The following KDM1B variants were observed in gnomAD, a reference collection of about 807,000 sequenced individuals.
KDM1B encodes lysine demethylase 1B.
In KDM1B, 63 loss-of-function variants were observed where a neutral mutation model predicts 107.4. The observed-to-expected ratio is 0.59, with a 90% confidence interval of 0.48 to 0.72. KDM1B has a LOEUF of 0.72. Among genes scored for constraint, KDM1B ranks in the 30% least tolerant of loss-of-function variants. KDM1B has a pLI of 0.00. For synonymous variants in KDM1B, 363 were observed against 363.9 expected, an observed-to-expected ratio of 1.00 and a Z score of 0.03; for missense variants, 749 against 1,020.8, an observed-to-expected ratio of 0.73 and a Z score of 3.63.
chr6:18,180,796 T>C (rs1455398606), intron 7 of KDM1B, among the ~76,000 whole-genome samples: 1 of 152,170 alleles, frequency 6.6e-6, no homozygotes, highest in Non-Finnish European at 1.5e-5. Context: ...GAACTCCTGA[T>C]CTCAGGTGAT....
In KDM1B at chr6:18,166,298, T is replaced by C; in HGVS notation, c.337T>C (p.Trp113Arg). 6.2e-7 allele frequency: 1 copy of C among 1,608,836 alleles called. No individual in the cohort carries two copies. The highest frequency in any genetic ancestry group is 8.5e-7 in the Non-Finnish European group (1 of 1,175,270). Residue 113 changes from tryptophan (W) to arginine (R), a missense_variant, in exon 6 of 22, where the codon TGG becomes CGG. By Grantham distance (101) the Trp-to-Arg change is moderately radical. Coordinates refer to ENST00000650836, the MANE Select transcript of KDM1B (RefSeq NM_001364614.2). ...HKDGYDKYTT[W>R]KKIWTSNGKT... ...GGATGGATATGACAAATATACTACA[T>C]GGAAAAAAATATGGACTAGCAATGG... is the stretch of plus-strand genomic sequence containing the variant.
rs1789811890 is a variant in KDM1B at position 18,222,222 on chromosome 6, T to C, written c.*230T>C. The C allele has an allele frequency of 4.7e-6, 3 of 634,614 alleles. No individual in the cohort carries two copies. Among genetic ancestry groups the C allele is most frequent in the South Asian group, 4.6e-5 (3 of 65,452 alleles). The allele number at this position is 634,614 out of a possible 1,614,324, so 39.3% of individuals were successfully genotyped here. A position where few individuals can be genotyped will look rare whatever the true frequency, so the allele number is the denominator to read the frequency against. The stretch of plus-strand genomic sequence containing the variant: ...CATTTTCCATAGGTTCAACTACTGC[T>C]GAAAGTCTGGATTTCAGAATAAAGC... On this transcript the variant is annotated 3_prime_UTR_variant, in exon 22 of 22. Coordinates refer to ENST00000650836, the MANE Select transcript of KDM1B (RefSeq NM_001364614.2).
Position 18,201,724 on chromosome 6 carries a change from T to G in KDM1B, c.1531+67T>G. The G allele has an allele frequency of 7.3e-7, 1 of 1,366,254 alleles. No individual in the cohort carries two copies. The highest frequency in any genetic ancestry group is 9.9e-7 in the Non-Finnish European group (1 of 1,005,866). 84.6% of individuals were successfully genotyped at this position (1,366,254 alleles called of 1,614,324 possible). A position where few individuals can be genotyped will look rare whatever the true frequency, so the allele number is the denominator to read the frequency against. ...GTTGTTACCTAAGCTTCATCAGCAG[T>G]GGCATTGTTCATTTGCGAGGTCGGA... is the stretch of plus-strand genomic sequence containing the variant. On this transcript the variant is annotated intron_variant, in intron 14 of 21. Coordinates refer to ENST00000650836, the MANE Select transcript of KDM1B (RefSeq NM_001364614.2). This position sits in a 1 kb window ranked among gnomAD's most constrained non-coding sequence, Gnocchi z 4.3.
At chr6:18,160,471 T>C (rs1009050607) in intron 3 of KDM1B, among the ~76,000 whole-genome samples, 1 of 152,156 alleles carries the variant, frequency 6.6e-6, no homozygotes, top group Admixed American at 6.5e-5. Context: ...CACGGTGGCT[T>C]ACACCACCTG....
In KDM1B at chr6:18,208,201, CA is replaced by C. The variant is rs747115821; in HGVS notation, c.1865del (p.Lys622ArgfsTer3). 1.2e-6 allele frequency: 2 copies of C among 1,612,440 alleles called. No individual in the cohort carries two copies. Among genetic ancestry groups the C allele is most frequent in the Admixed American group, 3.3e-5 (2 of 59,880 alleles). On this transcript the variant is annotated frameshift_variant, in exon 17 of 22. Transcript: ENST00000650836. LOFTEE classifies it high-confidence loss of function. Reference protein sequence around the residue: ...TTTDGTGYSAQKVLVTVPLAL... With the variant: ...TTTDGTGYSAXKVLVTVPLAL... ...TACAGATGGCACAGGGTATTCTGCACAAAAGGTAAGAGCTAGGGCAGTACAA... is the reference window on the plus strand; with the variant it reads ...TACAGATGGCACAGGGTATTCTGCACAAAGGTAAGAGCTAGGGCAGTACAA...
At chr6:18,180,343 C>T (rs1786373489) in intron 7 of KDM1B, among the ~76,000 whole-genome samples, 1 of 151,922 alleles carries the variant, frequency 6.6e-6, no homozygotes, top group Non-Finnish European at 1.5e-5. Flanking sequence ...GATTACTTGA[C>T]AATGAAAAGT....
chr6:18,178,922 A>C (rs1026193763), intron 7 of KDM1B, among the ~76,000 whole-genome samples: 1 of 152,158 alleles, frequency 6.6e-6, no homozygotes, highest in African/African-American at 2.4e-5. Flanking sequence ...TTGCCTTACT[A>C]CATTGGTCAG....
At chr6:18,199,921 C>G (rs182407913) in intron 12 of KDM1B, among the ~76,000 whole-genome samples, 10 of 152,240 alleles carry the variant, frequency 6.6e-5, no homozygotes, top group Non-Finnish European at 1.0e-4. Context: ...CTCTGTTGCC[C>G]AGGCTGGAGT....
chr6:18,158,486 A>C (rs1234828275), intron 2 of KDM1B, among the ~76,000 whole-genome samples: 1 of 152,194 alleles, frequency 6.6e-6, no homozygotes, highest in East Asian at 1.9e-4. Context: ...AATATGAAAC[A>C]ATAGGATTAC....
chr6:18,210,575 G>T (rs1402217343), intron 17 of KDM1B, among the ~76,000 whole-genome samples: 3 of 151,410 alleles, frequency 2.0e-5, no homozygotes, highest in Non-Finnish European at 4.4e-5. Flanking sequence ...TGTCCAGGCT[G>T]GTCTTGAACT....
At chr6:18,215,271 G>A (rs1397690039) in intron 20 of KDM1B, 142 bp downstream of exon 20, 1 of 917,438 alleles carries the variant, frequency 1.1e-6, no homozygotes, top group Non-Finnish European at 1.6e-6. Context: ...GAGTCCCACT[G>A]CCCACCTCAG....
Position 18,162,956 on chromosome 6 carries a change from G to A in KDM1B, c.305+32G>A. 4 of 1,378,234 alleles carry A rather than the reference G, an allele frequency of 2.9e-6. No individual in the cohort carries two copies. The highest frequency in any genetic ancestry group is 4.1e-6 in the Non-Finnish European group (4 of 964,702). 85.4% of individuals were successfully genotyped at this position (1,378,234 alleles called of 1,614,324 possible). A position where few individuals can be genotyped will look rare whatever the true frequency, so the allele number is the denominator to read the frequency against. On this transcript the variant is annotated intron_variant, in intron 5 of 21. Transcript: ENST00000650836. The surrounding 1 kb of genome is among the most constrained non-coding windows in gnomAD (Gnocchi z 4.1). ...TCACTAATTGTGTGAGGTTTCCCTG[G>A]AGAAGGGGACCGTGGCAGGGGCAGT...
At chr6:18,198,654 AAAAC>A (rs1458907668) in intron 12 of KDM1B, among the ~76,000 whole-genome samples, 1 of 143,624 alleles carries the variant, frequency 7.0e-6, no homozygotes, top group African/African-American at 2.6e-5. Flanking sequence ...AAAAAAAAAA[AAAAC>A]AAAACGCCCT....
intron 21 of KDM1B, among the ~76,000 whole-genome samples, chr6:18,219,676 T>G (rs1050754521): frequency 6.6e-5 from 10 of 152,226 alleles, no homozygotes; most frequent in Non-Finnish European, 1.2e-4. Flanking sequence ...CTTTGCCTGC[T>G]ACATGTCCAA....
intron 3 of KDM1B, 27 bp downstream of exon 3, chr6:18,160,009 G>A (rs376490604): frequency 5.2e-5 from 77 of 1,472,142 alleles, no homozygotes; most frequent in Middle Eastern, 1.7e-4. Flanking sequence ...CATTCAACAA[G>A]CCTTTTTTGA....
chr6:18,220,722 G>T (rs941799606), intron 21 of KDM1B, among the ~76,000 whole-genome samples: 1 of 151,966 alleles, frequency 6.6e-6, no homozygotes, highest in South Asian at 2.1e-4. Context: ...ACATGGCTTA[G>T]ATGGCTTCTT....
intron 7 of KDM1B, among the ~76,000 whole-genome samples, chr6:18,183,122 G>T (rs1160712766): frequency 6.6e-6 from 1 of 152,080 alleles, no homozygotes; most frequent in Non-Finnish European, 1.5e-5. Context: ...GCAAACACTG[G>T]TGTGCCTCCC....
In KDM1B at chr6:18,171,354, C is replaced by G; in HGVS notation, c.418-9C>G. ...ACTTGTTCATCTTGACTTGATACTT[C>G]CCATCTAGGTTCAGTGTACAAAACC... is the stretch of plus-strand genomic sequence containing the variant. On this transcript the variant is annotated splice_polypyrimidine_tract_variant and intron_variant, in intron 6 of 21. Coordinates refer to ENST00000650836, the MANE Select transcript of KDM1B (RefSeq NM_001364614.2). The G allele has an allele frequency of 7.2e-7, 1 of 1,382,534 alleles. No individual in the cohort carries two copies. The highest frequency in any genetic ancestry group is 1.0e-6 in the Non-Finnish European group (1 of 968,524). The allele number at this position is 1,382,534 out of a possible 1,614,324, so 85.6% of individuals were successfully genotyped here. A position where few individuals can be genotyped will look rare whatever the true frequency, so the allele number is the denominator to read the frequency against.
At chr6:18,179,850 CTTTTTTTTTTT>C (rs67156330) in intron 7 of KDM1B, among the ~76,000 whole-genome samples, 2 of 9,638 alleles carry the variant, frequency 2.1e-4, no homozygotes, top group Non-Finnish European at 2.2e-4. Flanking sequence ...GTTTTTTTTC[CTTTTTTTTTTT>C]TTTTTTTTTT....
Sources: gnomAD v4.1 joint callset for allele counts (sites outside exome capture counted in the v4.1 genomes callset) on GRCh38, gnomAD v4.1.1 for gene constraint, Gnocchi (gnomAD v3.1) non-coding constraint, MANE v1.5 for transcripts, NCBI Gene and HGNC (gene_info 2026-07-23, HGNC 2026-07-21) for gene names.